EYA1: variants seen among roughly 807,000 people sequenced by gnomAD.
EYA1 encodes the protein protein phosphatase EYA1.
Under a neutral mutation model 82.0 loss-of-function variants are expected in EYA1, and 16 were observed. The ratio of observed to expected loss-of-function variants is 0.20; its 90% CI spans 0.13 to 0.30. The LOEUF is 0.30. EYA1 is among the 10% of genes least tolerant of loss of function. The pLI is 1.00. For synonymous variants in EYA1, 261 were observed against 264.4 expected (o/e 0.99, Z 0.12); for missense variants, 633 against 730.7 (o/e 0.87, Z 1.54).
chr8:71,351,125 T>A (rs1270297624), intron 3 of EYA1, among the ~76,000 whole-genome samples: 3 of 152,070 alleles, frequency 2.0e-5, no homozygotes, highest in Non-Finnish European at 4.4e-5. Context: ...GGAATAGAAT[T>A]TCTATTCCAT....
At chr8:71,261,840 TG>T (rs1383716196) in intron 11 of EYA1, among the ~76,000 whole-genome samples, 4 of 152,230 alleles carry the variant, frequency 2.6e-5, no homozygotes, top group African/African-American at 9.6e-5. Context: ...GGATTTCATT[TG>T]TAATGACTCT....
chr8:71,295,952 T>A (rs1279415920), intron 9 of EYA1, among the ~76,000 whole-genome samples: 2 of 152,130 alleles, frequency 1.3e-5, no homozygotes, highest in African/African-American at 4.8e-5. Context: ...GTTTAAGGCA[T>A]GGCTAGTTGA....
At chr8:71,430,327 C>T (rs1042966840) in intron 2 of EYA1, among the ~76,000 whole-genome samples, 1 of 152,088 alleles carries the variant, frequency 6.6e-6, no homozygotes, top group African/African-American at 2.4e-5. Flanking sequence ...GACTTATGTT[C>T]AGAGGAGGTA....
intron 2 of EYA1, among the ~76,000 whole-genome samples, chr8:71,528,961 G>A (rs1332463595): frequency 1.3e-5 from 2 of 152,160 alleles, no homozygotes; most frequent in Non-Finnish European, 2.9e-5. Context: ...TGGCCTTGAC[G>A]CTAGTGGCTG....
intron 2 of EYA1, among the ~76,000 whole-genome samples, chr8:71,425,656 G>A (rs371924340): frequency 6.6e-6 from 1 of 152,120 alleles, no homozygotes; most frequent in African/African-American, 2.4e-5. Flanking sequence ...TCAGAAAAAG[G>A]CACCTTTAAA....
At chr8:71,288,745 C>G (rs1818671757) in intron 9 of EYA1, among the ~76,000 whole-genome samples, 1 of 152,114 alleles carries the variant, frequency 6.6e-6, no homozygotes, top group African/African-American at 2.4e-5. Flanking sequence ...TCATGCTTAC[C>G]TAATCAATCA....
At chr8:71,363,615 A>T (rs927951436), upstream of EYA1, among the ~76,000 whole-genome samples, 1 of 152,208 alleles carries the variant, frequency 6.6e-6, no homozygotes, top group African/African-American at 2.4e-5. Context: ...TTCTCAGACC[A>T]GAAGTATCAG....
rs1827434521 is a variant in EYA1, at chr8:71,362,006, T to G, written c.-414A>C. 2.0e-6 allele frequency: 2 copies of G among 985,436 alleles called. No homozygotes were observed. The highest frequency in any genetic ancestry group is 2.4e-6 in the Non-Finnish European group (2 of 829,956). The allele number at this position is 985,436 out of a possible 1,614,324, so 61.0% of individuals were successfully genotyped here. The stretch of plus-strand genomic sequence containing the variant: ...GAGCCATCAGCTCCCACCGTTCTGT[T>G]TGGTAACAGCTTTGCGCCCAGCGCT... On this transcript the variant is annotated 5_prime_UTR_variant, in exon 1 of 18. Transcript: ENST00000340726.
chr8:71,278,878 T>C (rs781294846), intron 9 of EYA1, among the ~76,000 whole-genome samples: 1 of 152,202 alleles, frequency 6.6e-6, no homozygotes, highest in Non-Finnish European at 1.5e-5. Flanking sequence ...ACACAATTCC[T>C]GCAGGCTCCT....
intron 2 of EYA1, among the ~76,000 whole-genome samples, chr8:71,450,769 C>T (rs1286828433): frequency 6.6e-6 from 1 of 152,116 alleles, no homozygotes; most frequent in Non-Finnish European, 1.5e-5. Flanking sequence ...AAAAAGGGAA[C>T]AAGAAAGATG....
At chr8:71,353,025 T>C (rs1306192843) in intron 3 of EYA1, among the ~76,000 whole-genome samples, 1 of 152,234 alleles carries the variant, frequency 6.6e-6, no homozygotes, top group Non-Finnish European at 1.5e-5. Context: ...TAATTGCTCT[T>C]CCATATATGT....
intron 2 of EYA1, among the ~76,000 whole-genome samples, chr8:71,472,240 T>G (rs1809263578): frequency 6.6e-6 from 1 of 152,172 alleles, no homozygotes; most frequent in South Asian, 2.1e-4. Context: ...ACTGCCTACT[T>G]CTAGCCAATT....
intron 12 of EYA1, among the ~76,000 whole-genome samples, chr8:71,220,904 G>A (rs371144780): frequency 1.3e-5 from 2 of 152,176 alleles, no homozygotes; most frequent in African/African-American, 4.8e-5. Flanking sequence ...ATCCCAGCAA[G>A]GAGCAGGCTT....
intron 2 of EYA1, among the ~76,000 whole-genome samples, chr8:71,383,094 A>ATT (rs5892276): frequency 6.3e-4 from 95 of 149,848 alleles, no homozygotes; most frequent in South Asian, 1.9e-3. Context: ...AACAGCACCT[A>ATT]TTTTTTTTTT....
At chr8:71,226,214 A>C (rs1810536711) in intron 12 of EYA1, among the ~76,000 whole-genome samples, 1 of 152,116 alleles carries the variant, frequency 6.6e-6, no homozygotes, top group Non-Finnish European at 1.5e-5. Context: ...TGTTTTTCAA[A>C]GTTTTGATAT....
At chr8:71,242,453 C>G (rs1236071746) in intron 12 of EYA1, among the ~76,000 whole-genome samples, 1 of 152,108 alleles carries the variant, frequency 6.6e-6, no homozygotes, top group African/African-American at 2.4e-5. Flanking sequence ...TTTACCTCTA[C>G]TAAGGAATAG....
chr8:71,237,356 C>T (rs1406445697), intron 12 of EYA1, among the ~76,000 whole-genome samples: 1 of 152,152 alleles, frequency 6.6e-6, no homozygotes, highest in Non-Finnish European at 1.5e-5. Flanking sequence ...AATTTGAATG[C>T]TTTTCTCTTG....
intron 3 of EYA1, among the ~76,000 whole-genome samples, chr8:71,341,209 C>A (rs1481494032): frequency 1.3e-5 from 2 of 152,096 alleles, no homozygotes; most frequent in East Asian, 3.8e-4. Context: ...TGGGACATGA[C>A]CCACAAAAGT....
intron 9 of EYA1, among the ~76,000 whole-genome samples, chr8:71,283,556 TG>T (rs1818059495): frequency 6.6e-6 from 1 of 151,946 alleles, no homozygotes; most frequent in African/African-American, 2.4e-5. Flanking sequence ...CAACCTGGCA[TG>T]TGGAGCATCT....
Sources: gnomAD v4.1 joint callset for allele counts (sites outside exome capture counted in the v4.1 genomes callset) on GRCh38, gnomAD v4.1.1 for gene constraint, MANE v1.5 for transcripts, NCBI Gene and HGNC (gene_info 2026-07-23, HGNC 2026-07-21) for gene names.